ERBB4: variants seen among roughly 807,000 people sequenced by gnomAD.
ERBB4 encodes the protein receptor tyrosine-protein kinase erbB-4.
Under a neutral mutation model 158.0 loss-of-function variants are expected in ERBB4, and 42 were observed. That is an observed-to-expected ratio of 0.27 (90% CI 0.21 to 0.34). The LOEUF (loss-of-function observed/expected upper bound fraction) is 0.34, where lower values mean the gene tolerates loss of function less well. Ranked by LOEUF, ERBB4 falls within the 10% of genes least tolerant of loss-of-function variation. The probability of loss-of-function intolerance (pLI) is 1.00; values close to 1 mark genes in which losing one functional copy is unlikely to be tolerated. For missense variants in ERBB4, 1,333 were observed against 1,624.1 expected (o/e 0.82, Z 3.08); for synonymous variants, 583 against 558.7 (o/e 1.04, Z -0.61).
At chr2:212,032,140 G>A (rs2076918132) in intron 2 of ERBB4, among the ~76,000 whole-genome samples, 1 of 152,056 alleles carries the variant, frequency 6.6e-6, no homozygotes, top group African/African-American at 2.4e-5. Flanking sequence ...CAATGTTGAT[G>A]CAGGCCTTCT....
At chr2:212,130,816 C>T (rs925302303) in intron 1 of ERBB4, among the ~76,000 whole-genome samples, 4 of 151,936 alleles carry the variant, frequency 2.6e-5, no homozygotes, top group African/African-American at 7.3e-5. Context: ...TTACAAGGCA[C>T]GTAGCAAGGA....
chr2:211,761,184 A>T (rs1553627018), intron 4 of ERBB4, among the ~76,000 whole-genome samples: 1 of 115,698 alleles, frequency 8.6e-6, no homozygotes. Flanking sequence ...ACAGGGTGAG[A>T]TTCCTCAAAA....
At chr2:211,888,232 T>C (rs986311011) in intron 3 of ERBB4, among the ~76,000 whole-genome samples, 1 of 152,322 alleles carries the variant, frequency 6.6e-6, no homozygotes, top group Non-Finnish European at 1.5e-5. Flanking sequence ...CCTTTTTATA[T>C]TTATTAGCAT....
chr2:211,677,627 C>A (rs1203369776), intron 13 of ERBB4, among the ~76,000 whole-genome samples: 1 of 150,836 alleles, frequency 6.6e-6, no homozygotes, highest in Admixed American at 6.6e-5. Flanking sequence ...GTAATCCCAG[C>A]ACTTTGGGAG....
chr2:211,688,900 A>C (rs1262978935), intron 12 of ERBB4, among the ~76,000 whole-genome samples: 1 of 152,132 alleles, frequency 6.6e-6, no homozygotes, highest in Non-Finnish European at 1.5e-5. Context: ...AATATATTAT[A>C]AATTATTTTA....
chr2:212,353,207 C>T (rs150710060), intron 1 of ERBB4, among the ~76,000 whole-genome samples: 1 of 151,294 alleles, frequency 6.6e-6, no homozygotes, highest in East Asian at 2.0e-4. Context: ...GATTTGGGGC[C>T]CACTAAAAAT....
At chr2:211,889,576 G>C (rs1378586174) in intron 3 of ERBB4, among the ~76,000 whole-genome samples, 1 of 151,804 alleles carries the variant, frequency 6.6e-6, no homozygotes, top group Non-Finnish European at 1.5e-5. Context: ...GACGAGCTGA[G>C]AGAAGAAGGC....
At chr2:211,907,975 T>G (rs778856336) in intron 3 of ERBB4, among the ~76,000 whole-genome samples, 5 of 151,864 alleles carry the variant, frequency 3.3e-5, no homozygotes, top group African/African-American at 4.8e-5. Flanking sequence ...TACTGAGACT[T>G]CATACTGAAA....
Position 212,049,340 on chromosome 2 carries a change from C to A in ERBB4, c.234+75412G>T, listed in dbSNP as rs188850555. ...CAATAATTGGACCTATATGAAAGGA[C>A]TTTTCATTTTTTTTAAATTAATTTT... On this transcript the variant is annotated intron_variant, in intron 2 of 27. Transcript: ENST00000342788. Among the ~76,000 whole-genome samples the A allele has an allele frequency of 2.0e-3, 304 of 151,634 alleles. 2 individuals are homozygous for A. The highest frequency in any genetic ancestry group is 7.0e-3 in the African/African-American group (290 of 41,370).
At chr2:211,463,018 G>C (rs770580062) in intron 20 of ERBB4, among the ~76,000 whole-genome samples, 1 of 152,092 alleles carries the variant, frequency 6.6e-6, no homozygotes, top group South Asian at 2.1e-4. Context: ...CTGCTGTATT[G>C]TAGTCCATAG....
At chr2:211,626,915 A>C (rs986454554) in intron 17 of ERBB4, among the ~76,000 whole-genome samples, 4 of 150,324 alleles carry the variant, frequency 2.7e-5, no homozygotes, top group Admixed American at 6.7e-5. Context: ...ACAGAGCAAG[A>C]CTCCATCTCA....
At chr2:212,044,989 ATTAACAG>A (rs1485209309) in intron 2 of ERBB4, among the ~76,000 whole-genome samples, 2 of 152,106 alleles carry the variant, frequency 1.3e-5, no homozygotes, top group Non-Finnish European at 2.9e-5. Flanking sequence ...CCCGTCATAT[ATTAACAG>A]TTAACATAAT....
intron 20 of ERBB4, among the ~76,000 whole-genome samples, chr2:211,517,733 T>G (rs368687580): frequency 1.3e-5 from 2 of 152,236 alleles, no homozygotes; most frequent in South Asian, 4.1e-4. Context: ...ATCCAAGACA[T>G]GCATTATAGA....
chr2:211,488,824 T>C (rs1234007205), intron 20 of ERBB4, among the ~76,000 whole-genome samples: 1 of 151,996 alleles, frequency 6.6e-6, no homozygotes, highest in African/African-American at 2.4e-5. Flanking sequence ...AGTAAAAAGG[T>C]GAGAGCACCA....
intron 1 of ERBB4, among the ~76,000 whole-genome samples, chr2:212,180,640 G>A (rs1475963308): frequency 1.3e-5 from 2 of 151,572 alleles, no homozygotes; most frequent in South Asian, 2.1e-4. Flanking sequence ...CTTAAAATAC[G>A]GAATTTCTAT....
At chr2:212,427,749 T>C (rs1014671934) in intron 1 of ERBB4, among the ~76,000 whole-genome samples, 6 of 152,130 alleles carry the variant, frequency 3.9e-5, no homozygotes, top group African/African-American at 1.4e-4. Flanking sequence ...TGAAAGAAAT[T>C]GGTCTGCCTG....
At chr2:212,528,167 A>G (rs1692553879) in intron 1 of ERBB4, among the ~76,000 whole-genome samples, 1 of 152,058 alleles carries the variant, frequency 6.6e-6, no homozygotes, top group Non-Finnish European at 1.5e-5. Context: ...CTATAGGGAA[A>G]GCAAAAAGAG....
At chr2:212,045,722 C>T (rs2077245321) in intron 2 of ERBB4, among the ~76,000 whole-genome samples, 1 of 152,130 alleles carries the variant, frequency 6.6e-6, no homozygotes, top group Non-Finnish European at 1.5e-5. Flanking sequence ...TTTCTCCTGT[C>T]CTTACAGATG....
intron 1 of ERBB4, among the ~76,000 whole-genome samples, chr2:212,214,496 T>C (rs2083035834): frequency 6.6e-6 from 1 of 151,754 alleles, no homozygotes; most frequent in South Asian, 2.1e-4. Context: ...ATTTCCAAGG[T>C]CCATAATTAC....
Sources: gnomAD v4.1 joint callset for allele counts (sites outside exome capture counted in the v4.1 genomes callset) on GRCh38, gnomAD v4.1.1 for gene constraint, MANE v1.5 for transcripts, NCBI Gene and HGNC (gene_info 2026-07-23, HGNC 2026-07-21) for gene names.